Variants in POGZ observed in about 807,000 individuals in gnomAD.
POGZ encodes pogo transposable element derived with ZNF domain.
In POGZ, 17 loss-of-function variants were observed where a neutral mutation model predicts 134.6. That is an observed-to-expected ratio of 0.13 (90% confidence interval 0.09 to 0.19). POGZ has a LOEUF of 0.19. Ranked by LOEUF, POGZ falls within the 10% of genes least tolerant of loss-of-function variation. POGZ has a pLI of 1.00. For synonymous variants in POGZ, 693 were observed against 657.1 expected (o/e 1.05, Z -0.84); for missense variants, 1,306 against 1,769.7 (o/e 0.74, Z 4.70).
In POGZ at chr1:151,441,025, A is replaced by G; in HGVS notation, c.186T>C (p.Ala62=). 3 of 1,614,130 alleles carry G rather than the reference A, an allele frequency of 1.9e-6. No individual in the cohort carries two copies. Among genetic ancestry groups the G allele is most frequent in the Non-Finnish European group, 2.5e-6 (3 of 1,179,950 alleles). ...CGGTGGTGGATGTAGAGAGGTGCCCAGCAACAGAAGCATGGGCAGCGATGG... is the reference window on the plus strand; with the variant it reads ...CGGTGGTGGATGTAGAGAGGTGCCCGGCAACAGAAGCATGGGCAGCGATGG... ...PVPIAAHASV[A]GHLSTSTTVS... is the part of the protein sequence containing the mutation. The change falls in exon 3 of 19, where the codon GCT becomes GCC. Residue 62 remains alanine, a synonymous_variant. Coordinates refer to ENST00000271715, the MANE Select transcript of POGZ (RefSeq NM_015100.4).
chr1:151,415,125 A>G (rs972569899), intron 10 of POGZ, among the ~76,000 whole-genome samples: 2 of 152,134 alleles, frequency 1.3e-5, no homozygotes, highest in East Asian at 3.9e-4. Flanking sequence ...TCATCATGCC[A>G]TGTATTCCAA....
rs71090165 is a variant in POGZ, at chr1:151,420,988, C to CATATATATAT, written c.1678+2399_1678+2408dup. ...GAACCCTATACATACCGTGTTTTTT[C>CATATATATAT]ATATATATATATATATATACCTATG... On this transcript the variant is annotated intron_variant, in intron 10 of 18. Transcript: ENST00000271715. Among the ~76,000 whole-genome samples, 1,124 of 144,898 alleles carry CATATATATAT rather than the reference C, an allele frequency of 7.8e-3. 11 individuals carry two copies. The highest frequency in any genetic ancestry group is 0.026 in the African/African-American group (1,047 of 39,618).
chr1:151,413,514 A>C (rs1049980015), intron 10 of POGZ, among the ~76,000 whole-genome samples: 1 of 152,126 alleles, frequency 6.6e-6, no homozygotes, highest in Non-Finnish European at 1.5e-5. Context: ...TGTCACTTTA[A>C]TGGAATTAGT....
chr1:151,456,409 G>T (rs893542922), intron 1 of POGZ, among the ~76,000 whole-genome samples: 1 of 152,124 alleles, frequency 6.6e-6, no homozygotes, highest in African/African-American at 2.4e-5. Context: ...TTTCCTAAAA[G>T]TGACAAGCTC....
Position 151,430,664 on chromosome 1 carries a change from A to G in POGZ, c.459+2T>C. 6.2e-7 allele frequency: 1 copy of G among 1,602,076 alleles called. No individual in the cohort carries two copies. The highest frequency in any genetic ancestry group is 8.5e-7 in the Non-Finnish European group (1 of 1,173,986). ...AACCTTGGAATTCAGAGTCCTACTCACCTGCGTAGTGATAAATATTGGTTG... is the reference window on the plus strand; with the variant it reads ...AACCTTGGAATTCAGAGTCCTACTCGCCTGCGTAGTGATAAATATTGGTTG... On this transcript the variant is annotated splice_donor_variant, in intron 4 of 18. Transcript: ENST00000271715. LOFTEE classifies it high-confidence loss of function.
chr1:151,426,493 T>C (rs552126588), intron 7 of POGZ: 1 of 152,132 alleles, frequency 6.6e-6, no homozygotes, highest in Non-Finnish European at 1.5e-5. Context: ...GCGAGTCCTT[T>C]GTCTATTTTT....
chr1:151,425,026 C>T lies in POGZ; in HGVS notation c.1114G>A (p.Gly372Ser). Residue 372 changes from glycine to serine, a missense_variant, in exon 8 of 19, where the codon GGT becomes AGT. Around this residue, in one of 10 missense-constraint regions of POGZ, gnomAD observed 541 missense variants for 680.5 expected, o/e 0.80. Coordinates refer to ENST00000271715, the MANE Select transcript of POGZ (RefSeq NM_015100.4). ...CATCGTGGACATATTTTCCGTCCAC[C>T]ATCCTGGAGGTCAAATACTGGGATG... ...SSIPVFDLQD[G>S]GRKICPRCNA... 1.3e-6 allele frequency: 2 copies of T among 1,594,414 alleles called. No homozygotes were observed. The highest frequency in any genetic ancestry group is 8.6e-7 in the Non-Finnish European group (1 of 1,166,150).
intron 1 of POGZ, among the ~76,000 whole-genome samples, chr1:151,456,273 T>G (rs1662763363): frequency 6.6e-6 from 1 of 152,206 alleles, no homozygotes; most frequent in Non-Finnish European, 1.5e-5. Flanking sequence ...ATTGCAGTCC[T>G]TAACCACTGA....
At chr1:151,416,160 A>G (rs997615532) in intron 10 of POGZ, among the ~76,000 whole-genome samples, 2 of 128,078 alleles carry the variant, frequency 1.6e-5, no homozygotes, top group Admixed American at 1.9e-4. Flanking sequence ...GTGAGCTGAG[A>G]CTGTGCCACT....
In POGZ at chr1:151,444,136, C is replaced by G. The variant is rs550817725; in HGVS notation, c.-1-1931G>C. On this transcript the variant is annotated intron_variant, in intron 1 of 18. Coordinates refer to ENST00000271715, the MANE Select transcript of POGZ (RefSeq NM_015100.4). Reference sequence around the variant, plus strand: ...GGGTTTTAATGGGTAAAGTGCTTAACTGGATTCTAACTGGTCTTTAATCTT... The same window carrying G: ...GGGTTTTAATGGGTAAAGTGCTTAAGTGGATTCTAACTGGTCTTTAATCTT... Among the ~76,000 whole-genome samples, 9 of 152,286 alleles carry G rather than the reference C, an allele frequency of 5.9e-5. No individual in the cohort carries two copies. In the East Asian group the frequency reaches 1.7e-3, roughly 29 times the overall value.
chr1:151,447,548 C>T (rs921418986), intron 1 of POGZ, among the ~76,000 whole-genome samples: 1 of 151,404 alleles, frequency 6.6e-6, no homozygotes, highest in African/African-American at 2.4e-5. Flanking sequence ...ACCTCCCAGG[C>T]TCAAGAAATC....
intron 12 of POGZ, among the ~76,000 whole-genome samples, chr1:151,409,762 A>C (rs760646984): frequency 1.3e-5 from 2 of 152,140 alleles, no homozygotes; most frequent in African/African-American, 4.8e-5. Context: ...TTTAACACAA[A>C]TGATAGCACT....
intron 3 of POGZ, among the ~76,000 whole-genome samples, chr1:151,434,802 T>G (rs1659307139): frequency 6.6e-6 from 1 of 152,044 alleles, no homozygotes; most frequent in Non-Finnish European, 1.5e-5. Flanking sequence ...CAGGATGGTC[T>G]TGATCTCCTG....
intron 3 of POGZ, among the ~76,000 whole-genome samples, chr1:151,437,325 T>C (rs1382877835): frequency 6.6e-6 from 1 of 152,202 alleles, no homozygotes; most frequent in Non-Finnish European, 1.5e-5. Flanking sequence ...TTACCCTTTA[T>C]GGTTAGCTCT....
intron 12 of POGZ, 145 bp from the exon 13 acceptor site, chr1:151,408,973 T>C: frequency 2.8e-6 from 2 of 724,206 alleles, no homozygotes; most frequent in Non-Finnish European, 4.6e-6. Flanking sequence ...GAAAGAAATA[T>C]GCAACATGAC....
chr1:151,406,524 CAAT>C (rs1653669476), intron 18 of POGZ, 60 bp from the exon 19 acceptor site: 1 of 1,544,302 alleles, frequency 6.5e-7, no homozygotes, highest in Non-Finnish European at 8.7e-7. Context: ...GAAATTGAAA[CAAT>C]AATATGATAA....
intron 1 of POGZ, among the ~76,000 whole-genome samples, chr1:151,452,510 T>C (rs567056156): frequency 4.9e-4 from 75 of 152,094 alleles, no homozygotes; most frequent in Non-Finnish European, 8.7e-4. Flanking sequence ...TATTTTGATA[T>C]TTTCTTATAG....
intron 10 of POGZ, among the ~76,000 whole-genome samples, chr1:151,419,585 T>C (rs1445240272): frequency 6.8e-6 from 1 of 146,290 alleles, no homozygotes; most frequent in Non-Finnish European, 1.5e-5. Flanking sequence ...GGGAGGATCA[T>C]CTTAGCCTGG....
intron 10 of POGZ, among the ~76,000 whole-genome samples, chr1:151,421,731 A>G (rs1360110860): frequency 6.6e-6 from 1 of 152,186 alleles, no homozygotes; most frequent in Non-Finnish European, 1.5e-5. Context: ...TCTCTCAGTT[A>G]AATGATATAA....
Sources: allele counts gnomAD v4.1 joint callset (sites outside exome capture counted in the v4.1 genomes callset), GRCh38; gene constraint gnomAD v4.1.1; regional missense constraint gnomAD v4.1.1; transcripts MANE v1.5; gene names NCBI Gene and HGNC (gene_info 2026-07-23, HGNC 2026-07-21).